The following DOK5 variants were observed in gnomAD, a reference collection of about 807,000 sequenced individuals.
DOK5 encodes the protein downstream of tyrosine kinase 5.
A neutral mutation model predicts 43.3 loss-of-function variants in DOK5; 27 were observed. That is an observed-to-expected ratio of 0.62 (90% confidence interval 0.46 to 0.86). DOK5 has a LOEUF of 0.86. DOK5 is among the 40% of genes least tolerant of loss of function. The pLI is 0.00. For missense variants in DOK5, 373 were observed against 392.9 expected (o/e 0.95, Z 0.43); for synonymous variants, 146 against 140.1 (o/e 1.04, Z -0.30).
intron 5 of DOK5, among the ~76,000 whole-genome samples, chr20:54,605,001 C>CAAA (rs71196456): frequency 1.3e-3 from 142 of 108,892 alleles, no homozygotes; most frequent in African/African-American, 2.4e-3. Context: ...GACTGTGTCT[C>CAAA]AAAAAAAAAA....
intron 1 of DOK5, among the ~76,000 whole-genome samples, chr20:54,481,726 T>C (rs532007694): frequency 6.6e-6 from 1 of 152,338 alleles, no homozygotes; most frequent in South Asian, 2.1e-4. Context: ...CCCATCACTG[T>C]GTTGTGGCTT....
At chr20:54,602,560 G>A (rs115978591) in intron 5 of DOK5, among the ~76,000 whole-genome samples, 511 of 152,278 alleles carry the variant, frequency 3.4e-3, no homozygotes, top group African/African-American at 0.012. Context: ...GTTGGATGCC[G>A]CATGCCTGAC....
At chr20:54,497,255 A>G (rs1278048638) in intron 1 of DOK5, among the ~76,000 whole-genome samples, 1 of 152,228 alleles carries the variant, frequency 6.6e-6, no homozygotes, top group East Asian at 1.9e-4. Flanking sequence ...ATGGGTCCTT[A>G]ATGAATCAAT....
intron 2 of DOK5, among the ~76,000 whole-genome samples, chr20:54,562,456 C>T (rs963115144): frequency 8.6e-5 from 13 of 151,994 alleles, no homozygotes; most frequent in African/African-American, 3.1e-4. Flanking sequence ...TCTTGCTTTG[C>T]CATCCAGGCT....
At chr20:54,641,467 AG>A (rs1294350016) in intron 6 of DOK5, among the ~76,000 whole-genome samples, 1 of 151,276 alleles carries the variant, frequency 6.6e-6, no homozygotes, top group Non-Finnish European at 1.5e-5. Context: ...TGTACAGTGG[AG>A]ACTTTTTTTT....
intron 2 of DOK5, among the ~76,000 whole-genome samples, chr20:54,588,064 A>C (rs538679006): frequency 6.6e-6 from 1 of 152,246 alleles, no homozygotes; most frequent in Non-Finnish European, 1.5e-5. Context: ...TACATGGGGA[A>C]TACTCTGAAG....
chr20:54,541,392 C>T (rs911402816), intron 1 of DOK5, among the ~76,000 whole-genome samples: 1 of 152,142 alleles, frequency 6.6e-6, no homozygotes, highest in Admixed American at 6.6e-5. Flanking sequence ...CACTTCCCAT[C>T]TCAGTCAGAG....
At chr20:54,578,431 G>T (rs1985526832) in intron 2 of DOK5, among the ~76,000 whole-genome samples, 1 of 152,064 alleles carries the variant, frequency 6.6e-6, no homozygotes, top group East Asian at 1.9e-4. Flanking sequence ...CCTGAAAAAA[G>T]AAAAGAAAGT....
At chr20:54,570,284 A>C (rs1206344168) in intron 2 of DOK5, among the ~76,000 whole-genome samples, 1 of 152,226 alleles carries the variant, frequency 6.6e-6, no homozygotes, top group African/African-American at 2.4e-5. Flanking sequence ...CTTCAGAAAC[A>C]TTGTGGACTC....
In DOK5 at chr20:54,623,633, A is replaced by G. The variant is rs1468524455; in HGVS notation, c.735+13110A>G. Among the ~76,000 whole-genome samples the G allele has an allele frequency of 2.0e-5, 3 of 152,098 alleles. No individual in the cohort carries two copies. In the East Asian group the frequency reaches 5.8e-4, roughly 29 times the overall value. ...GTCGCTCTGTCGCCCAGGCTGGAGT[A>G]CAGTGGTGCAATCTTGGCTCAATGC... On this transcript the variant is annotated intron_variant, in intron 6 of 7. Transcript: ENST00000262593.
At chr20:54,536,089 A>G (rs1018722934) in intron 1 of DOK5, among the ~76,000 whole-genome samples, 2 of 152,252 alleles carry the variant, frequency 1.3e-5, no homozygotes, top group Non-Finnish European at 2.9e-5. Context: ...AAAGTGATTC[A>G]GATAAAATAT....
At position 54,549,100 on chromosome 20, in the gene DOK5, G is replaced by A. The variant is rs1231758310; in HGVS notation, c.67-5833G>A. Among the ~76,000 whole-genome samples the A allele has an allele frequency of 3.3e-5, 5 of 152,230 alleles. No individual in the cohort carries two copies. In the East Asian group the frequency reaches 5.8e-4, roughly 18 times the overall value. ...GGAAGCACTTTTAGAAGTCTTTGTC[G>A]GCAGCCCCAAGAGGGAGACACAGCG... On this transcript the variant is annotated intron_variant, in intron 1 of 7. Coordinates refer to ENST00000262593, the MANE Select transcript of DOK5 (RefSeq NM_018431.5).
chr20:54,585,190 A>T (rs1486351469), intron 2 of DOK5, among the ~76,000 whole-genome samples: 1 of 151,966 alleles, frequency 6.6e-6, no homozygotes, highest in Non-Finnish European at 1.5e-5. Flanking sequence ...GCACATGCCC[A>T]CTAGGTGTAG....
intron 1 of DOK5, among the ~76,000 whole-genome samples, chr20:54,517,052 CT>C (rs1436772912): frequency 1.3e-5 from 2 of 152,110 alleles, no homozygotes; most frequent in African/African-American, 4.8e-5. Flanking sequence ...CTTTCATTCC[CT>C]TTTTTATTTG....
At chr20:54,609,072 G>A (rs1269776019) in intron 5 of DOK5, among the ~76,000 whole-genome samples, 2 of 152,208 alleles carry the variant, frequency 1.3e-5, no homozygotes, top group African/African-American at 4.8e-5. Flanking sequence ...CATGCCATAT[G>A]TATAGAAGGC....
chr20:54,548,149 T>C (rs1012443599), intron 1 of DOK5, among the ~76,000 whole-genome samples: 14 of 152,306 alleles, frequency 9.2e-5, no homozygotes, highest in African/African-American at 3.1e-4. Context: ...ACATGATGTA[T>C]AGGAGGTGAG....
intron 1 of DOK5, among the ~76,000 whole-genome samples, chr20:54,522,805 G>A (rs752299030): frequency 3.3e-5 from 5 of 151,982 alleles, no homozygotes; most frequent in East Asian, 1.9e-4. Context: ...GTGAGCCACC[G>A]CGCCTGGCCC....
chr20:54,567,438 T>A (rs1985134333), intron 2 of DOK5, among the ~76,000 whole-genome samples: 1 of 152,188 alleles, frequency 6.6e-6, no homozygotes, highest in African/African-American at 2.4e-5. Flanking sequence ...TGAAAAAAAT[T>A]ATTCTTTCCT....
At chr20:54,562,530 C>T (rs1984943994) in intron 2 of DOK5, among the ~76,000 whole-genome samples, 1 of 152,260 alleles carries the variant, frequency 6.6e-6, no homozygotes, top group East Asian at 1.9e-4. Flanking sequence ...GCAGTCCTCC[C>T]ACCTCAGCCT....
Sources: gnomAD v4.1 joint callset for allele counts (sites outside exome capture counted in the v4.1 genomes callset) on GRCh38, gnomAD v4.1.1 for gene constraint, MANE v1.5 for transcripts, NCBI Gene and HGNC (gene_info 2026-07-23, HGNC 2026-07-21) for gene names.